PPM1B: variants seen among roughly 807,000 people sequenced by gnomAD.
PPM1B encodes protein phosphatase, Mg2+/Mn2+ dependent 1B, also known as protein phosphatase 1B.
PPM1B carries 22 observed loss-of-function variants against 43.0 expected under a neutral mutation model. That is an observed-to-expected ratio of 0.51 (90% confidence interval 0.37 to 0.73). The LOEUF (loss-of-function observed/expected upper bound fraction) is 0.73. Among genes scored for constraint, PPM1B ranks in the 30% least tolerant of loss-of-function variants. The pLI is 0.00. For synonymous variants in PPM1B, 217 were observed against 197.9 expected, an observed-to-expected ratio of 1.10 and a Z score of -0.81; for missense variants, 632 against 584.2, an observed-to-expected ratio of 1.08 and a Z score of -0.84.
chr2:44,182,687 C>G (rs370351743), intron 1 of PPM1B, among the ~76,000 whole-genome samples: 2 of 152,106 alleles, frequency 1.3e-5, no homozygotes, highest in East Asian at 3.8e-4. Flanking sequence ...CAGGTTTCCT[C>G]TGTTTAGTAG....
At chr2:44,220,314 A>G (rs1188807493) in intron 5 of PPM1B, among the ~76,000 whole-genome samples, 1 of 151,590 alleles carries the variant, frequency 6.6e-6, no homozygotes, top group Non-Finnish European at 1.5e-5. Context: ...TTCATAGTCT[A>G]TTTTTACTCC....
chr2:44,179,762 A>G (rs1232296147), intron 1 of PPM1B, among the ~76,000 whole-genome samples: 1 of 152,146 alleles, frequency 6.6e-6, no homozygotes, highest in Non-Finnish European at 1.5e-5. Flanking sequence ...TAATCCCAGC[A>G]CTTTGGGAGG....
chr2:44,239,427 G>A (rs960684599), downstream of PPM1B, among the ~76,000 whole-genome samples: 1 of 151,636 alleles, frequency 6.6e-6, no homozygotes, highest in African/African-American at 2.4e-5. Flanking sequence ...AAACCTCTCA[G>A]ACTGTTTTTC....
At chr2:44,235,796 AAC>A (rs1156263785), downstream of PPM1B, among the ~76,000 whole-genome samples, 3 of 151,274 alleles carry the variant, frequency 2.0e-5, no homozygotes, top group Admixed American at 2.0e-4. Flanking sequence ...CTAGTTGGGA[AAC>A]TGAGGCAGGA....
chr2:44,240,515 A>C (rs72800992), intron 5 of PPM1B, among the ~76,000 whole-genome samples: 27,841 of 144,200 alleles, frequency 0.19, 5,152 homozygotes, highest in East Asian at 0.34. Flanking sequence ...AAATGTTTAT[A>C]TTATGTTCGT....
intron 1 of PPM1B, among the ~76,000 whole-genome samples, chr2:44,175,083 A>G (rs1374655216): frequency 1.3e-5 from 2 of 152,118 alleles, no homozygotes; most frequent in African/African-American, 2.4e-5. Context: ...GTGAAACCCC[A>G]TCTCTACTAA....
chr2:44,216,155 T>C (rs887493658), intron 3 of PPM1B, among the ~76,000 whole-genome samples: 3 of 152,160 alleles, frequency 2.0e-5, no homozygotes, highest in Non-Finnish European at 2.9e-5. Flanking sequence ...GGAGAAGAGA[T>C]TGTATAAAAG....
At chr2:44,196,807 G>A (rs953364853) in intron 1 of PPM1B, among the ~76,000 whole-genome samples, 2 of 152,166 alleles carry the variant, frequency 1.3e-5, no homozygotes, top group African/African-American at 4.8e-5. Flanking sequence ...CATAGACCAA[G>A]AGTGGTTATA....
downstream of PPM1B, among the ~76,000 whole-genome samples, chr2:44,235,418 A>C (rs570068365): frequency 6.6e-6 from 1 of 152,216 alleles, no homozygotes; most frequent in South Asian, 2.1e-4. Flanking sequence ...AGCCTGACCA[A>C]CATGGAGAAA....
At chr2:44,215,637 A>C (rs570398052) in intron 3 of PPM1B, among the ~76,000 whole-genome samples, 2 of 152,284 alleles carry the variant, frequency 1.3e-5, no homozygotes, top group East Asian at 3.9e-4. Flanking sequence ...GGAAAGGAAT[A>C]ATATTAAAAT....
At chr2:44,179,872 G>A (rs1190497253) in intron 1 of PPM1B, among the ~76,000 whole-genome samples, 1 of 152,008 alleles carries the variant, frequency 6.6e-6, no homozygotes, top group Non-Finnish European at 1.5e-5. Context: ...AGCCAGGTGT[G>A]GTGGTGGGTG....
rs1460022750 is a variant in PPM1B, at chr2:44,201,312, A to G, written c.113A>G (p.Asp38Gly). Reference sequence around the variant, plus strand: ...CAAGGATGGAGAGTGGAAATGGAAGATGCACACACAGCTGTTGTAGGTATT... The same window carrying G: ...CAAGGATGGAGAGTGGAAATGGAAGGTGCACACACAGCTGTTGTAGGTATT... ...SMQGWRVEME[D>G]AHTAVVGIPH... Residue 38 changes from aspartate (D) to glycine (G), a missense_variant, in exon 2 of 6, where the codon GAT becomes GGT. Asp to Gly is a moderately conservative substitution (Grantham distance 94). Transcript: ENST00000282412. This position sits in a 1 kb window ranked among gnomAD's most constrained non-coding sequence, Gnocchi z 5.4. 1 of 1,614,080 alleles carries G rather than the reference A, an allele frequency of 6.2e-7. No individual in the cohort carries two copies.
chr2:44,242,914 CAATACTGT>C (rs1439048813), intron 5 of PPM1B, among the ~76,000 whole-genome samples: 1 of 152,120 alleles, frequency 6.6e-6, no homozygotes, highest in African/African-American at 2.4e-5. Context: ...ATTTGCCTTT[CAATACTGT>C]AATACTGTGT....
chr2:44,184,965 C>A (rs1202219505), intron 1 of PPM1B, among the ~76,000 whole-genome samples: 1 of 148,434 alleles, frequency 6.7e-6, no homozygotes, highest in African/African-American at 2.5e-5. Context: ...ACTTATTAGA[C>A]CGGCCACTAG....
At chr2:44,232,961 T>A (rs1670510284), downstream of PPM1B, 1 of 978,408 alleles carries the variant, frequency 1.0e-6, no homozygotes, top group African/African-American at 1.7e-5. Context: ...TATTTGGGAA[T>A]AATATTATAA....
chr2:44,202,167 G>A (rs2104133450), intron 2 of PPM1B, 122 bp downstream of exon 2: 1 of 980,964 alleles, frequency 1.0e-6, no homozygotes, highest in Non-Finnish European at 1.4e-6. Context: ...ATATTTTGAA[G>A]TACTTTACCA....
At chr2:44,216,343 C>T (rs533013300) in intron 3 of PPM1B, among the ~76,000 whole-genome samples, 2 of 152,220 alleles carry the variant, frequency 1.3e-5, no homozygotes, top group East Asian at 3.9e-4. Flanking sequence ...TTCCACAGCA[C>T]ACAGGACAGC....
At chr2:44,191,543 A>G (rs1422088698) in intron 1 of PPM1B, among the ~76,000 whole-genome samples, 1 of 152,172 alleles carries the variant, frequency 6.6e-6, no homozygotes, top group Admixed American at 6.5e-5. Flanking sequence ...AACTTTGCAT[A>G]ATGGCATCAC....
intron 1 of PPM1B, among the ~76,000 whole-genome samples, chr2:44,188,783 C>A (rs1668256531): frequency 6.7e-6 from 1 of 148,210 alleles, no homozygotes; most frequent in South Asian, 2.2e-4. Flanking sequence ...TCCTTCCTTC[C>A]CTCCTTCCCT....
Sources: gnomAD v4.1 joint callset for allele counts (sites outside exome capture counted in the v4.1 genomes callset) on GRCh38, gnomAD v4.1.1 for gene constraint, Gnocchi (gnomAD v3.1) non-coding constraint, MANE v1.5 for transcripts, NCBI Gene and HGNC (gene_info 2026-07-23, HGNC 2026-07-21) for gene names.